Variants in CMC2 observed in about 807,000 individuals in gnomAD.
CMC2 encodes the protein COX assembly mitochondrial protein 2 homolog.
Under a neutral mutation model 7.5 loss-of-function variants are expected in CMC2, and 5 were observed. The ratio of observed to expected loss-of-function variants is 0.66; its 90% CI spans 0.35 to 1.40. The LOEUF (loss-of-function observed/expected upper bound fraction) is 1.40. Ranked by LOEUF, CMC2 falls within the 40% of genes most tolerant of loss-of-function variation. The pLI, the probability that CMC2 is intolerant of heterozygous loss-of-function variation, is 0.04. For missense variants in CMC2, 115 were observed against 92.3 expected, an observed-to-expected ratio of 1.25 and a Z score of -1.01; for synonymous variants, 37 against 31.4, an observed-to-expected ratio of 1.18 and a Z score of -0.60.
chr16:80,991,403 G>C (rs1412378519), intron 2 of CMC2, among the ~76,000 whole-genome samples: 1 of 152,154 alleles, frequency 6.6e-6, no homozygotes, highest in African/African-American at 2.4e-5. Flanking sequence ...GGTAGGCTAA[G>C]GCAGACAGAT....
At chr16:80,999,504 T>A (rs11866375) in intron 1 of CMC2, among the ~76,000 whole-genome samples, 1 of 151,978 alleles carries the variant, frequency 6.6e-6, no homozygotes. Context: ...GCAATCTACA[T>A]ATTCAACACT....
At chr16:80,979,077 G>C in intron 3 of CMC2, among the ~76,000 whole-genome samples, 1 of 148,962 alleles carries the variant, frequency 6.7e-6, no homozygotes, top group African/African-American at 2.5e-5. Flanking sequence ...TGAGACTCTG[G>C]CAAAAAAAAT....
chr16:80,999,500 T>C (rs1452541105), intron 1 of CMC2, among the ~76,000 whole-genome samples: 1 of 152,200 alleles, frequency 6.6e-6, no homozygotes, highest in South Asian at 2.1e-4. Flanking sequence ...CAAAGCAATC[T>C]ACATATTCAA....
chr16:80,989,721 A>G (rs1289869339), intron 2 of CMC2, among the ~76,000 whole-genome samples: 1 of 152,214 alleles, frequency 6.6e-6, no homozygotes, highest in East Asian at 1.9e-4. Context: ...CATCTTATAT[A>G]TATTGAAAAC....
Position 80,988,211 on chromosome 16 carries a change from C to CTA in CMC2, c.82-6335_82-6334insTA, listed in dbSNP as rs1567517819. Among the ~76,000 whole-genome samples the CTA allele has an allele frequency of 1.2e-4, 18 of 151,722 alleles. No homozygotes were observed. In the East Asian group the frequency reaches 2.5e-3, roughly 21 times the overall value. On this transcript the variant is annotated intron_variant, in intron 2 of 3. Transcript: ENST00000219400. Reference sequence around the variant, plus strand: ...TAAACTTTTAATTAACTTTTCCCCCCCAGATATAGACCTGCAGAATTATGG... The same window carrying CTA: ...TAAACTTTTAATTAACTTTTCCCCCCTACAGATATAGACCTGCAGAATTATGG...
intron 1 of CMC2, among the ~76,000 whole-genome samples, chr16:81,004,138 C>T (rs377685471): frequency 6.6e-6 from 1 of 152,188 alleles, no homozygotes; most frequent in Non-Finnish European, 1.5e-5. Context: ...AGGGGAATCG[C>T]TTCAGCCCTG....
At position 80,971,595 on chromosome 16, in the gene CMC2, C is replaced by A; in HGVS notation, c.*4498G>T. The A allele has an allele frequency of 1.8e-5, 2 of 109,554 alleles. No homozygotes were observed. The highest frequency in any genetic ancestry group is 3.5e-5 in the Non-Finnish European group (2 of 57,952). The allele number at this position is 109,554 out of a possible 1,614,324, so 6.8% of individuals were successfully genotyped here. On this transcript the variant is annotated 3_prime_UTR_variant, in exon 4 of 4. Coordinates refer to ENST00000219400, the MANE Select transcript of CMC2 (RefSeq NM_020188.5). Reference sequence around the variant, plus strand: ...ATATATATATATATATGTATGAAATCATGCATATATATATATGTATGAAAT... The same window carrying A: ...ATATATATATATATATGTATGAAATAATGCATATATATATATGTATGAAAT...
At position 80,978,872 on chromosome 16, in the gene CMC2, A is replaced by G. The variant is rs1393021808; in HGVS notation, c.154-2693T>C. ...CAAGGCGGGCGGATAACAAGCTCAG[A>G]AGATCAAGACCATCCTAGCTAACAC... On this transcript the variant is annotated intron_variant, in intron 3 of 3. Coordinates refer to ENST00000219400, the MANE Select transcript of CMC2 (RefSeq NM_020188.5). 7.9e-5 allele frequency among the ~76,000 whole-genome samples: 12 copies of G among 152,258 alleles called. No homozygotes were observed. The East Asian group carries it at 1.4e-3, about 17-fold the overall frequency.
At chr16:80,992,103 T>C in intron 2 of CMC2, 5 of 346,108 alleles carry the variant, frequency 1.4e-5, no homozygotes, top group South Asian at 1.1e-4. Flanking sequence ...TAAGGGACAC[T>C]AGATGTGAGG....
chr16:80,978,350 A>G (rs1465163057), intron 3 of CMC2: 19 of 1,267,488 alleles, frequency 1.5e-5, no homozygotes, highest in Non-Finnish European at 1.9e-5. Flanking sequence ...TAAGTTACAA[A>G]GCAAATTAAA....
At chr16:80,997,569 T>G (rs1279469173) in intron 1 of CMC2, 140 bp from the exon 2 acceptor site, 1 of 508,084 alleles carries the variant, frequency 2.0e-6, no homozygotes, top group African/African-American at 2.0e-5. Flanking sequence ...GGCAAATTAT[T>G]AAACTTGAGA....
Position 80,966,880 on chromosome 16 carries a change from T to C in CMC2, c.*9213A>G, listed in dbSNP as rs1173159286. 6.8e-6 allele frequency: 1 copy of C among 146,756 alleles called. No individual in the cohort carries two copies. Among genetic ancestry groups the C allele is most frequent in the Non-Finnish European group, 1.5e-5 (1 of 67,200 alleles). The allele number at this position is 146,756 out of a possible 1,614,324, so 9.1% of individuals were successfully genotyped here. A position where few individuals can be genotyped will look rare whatever the true frequency, so the allele number is the denominator to read the frequency against. On this transcript the variant is annotated 3_prime_UTR_variant, in exon 4 of 4. Transcript: ENST00000219400. ...TATAGATTCATGGTATACCTTTGTG[T>C]AAATGCATCATTGTTTATTTAACTA...
intron 2 of CMC2, among the ~76,000 whole-genome samples, chr16:80,993,889 CA>C: frequency 6.6e-6 from 1 of 151,922 alleles, no homozygotes; most frequent in South Asian, 2.1e-4. Flanking sequence ...TTAGAATAGC[CA>C]AAACAACTTT....
At chr16:81,001,875 A>G (rs1307363083) in intron 1 of CMC2, among the ~76,000 whole-genome samples, 2 of 152,112 alleles carry the variant, frequency 1.3e-5, no homozygotes, top group East Asian at 3.8e-4. Context: ...CCACAGCTGA[A>G]GACCACAAAT....
rs146078034 is a variant in CMC2, at chr16:80,994,057, ATTGATTT to A, written c.81+3250_81+3256del. 9.8e-4 allele frequency among the ~76,000 whole-genome samples: 148 copies of A among 151,420 alleles called. 1 individual carries two copies. In the East Asian group the frequency reaches 0.027, roughly 28 times the overall value. On this transcript the variant is annotated intron_variant, in intron 2 of 3. Transcript: ENST00000219400. The stretch of plus-strand genomic sequence containing the variant: ...AAATAGACCCACTCACATATGGTAA[ATTGATTT>A]TTGACAAAGGGACCATGGTAAATCA...
chr16:80,977,124 A>C (rs964826072), intron 3 of CMC2, among the ~76,000 whole-genome samples: 4 of 152,194 alleles, frequency 2.6e-5, no homozygotes, highest in African/African-American at 9.7e-5. Context: ...GGAAATACAT[A>C]GCTCAACTTC....
intron 3 of CMC2, among the ~76,000 whole-genome samples, chr16:80,976,410 T>C (rs1200082408): frequency 6.6e-6 from 1 of 152,218 alleles, no homozygotes; most frequent in Admixed American, 6.5e-5. Flanking sequence ...TTTCATTCAA[T>C]ACAGTACAGC....
intron 2 of CMC2, 72 bp from the exon 3 acceptor site, chr16:80,981,949 T>C (rs1967148892): frequency 2.3e-6 from 2 of 877,202 alleles, no homozygotes; most frequent in South Asian, 1.5e-5. Flanking sequence ...AAAATTTAAA[T>C]ACTGCCACAG....
intron 2 of CMC2, chr16:80,991,752 A>C: frequency 3.0e-6 from 1 of 329,202 alleles, no homozygotes; most frequent in Non-Finnish European, 6.0e-6. Flanking sequence ...AATGTACTTT[A>C]CCTCTGTGGT....
Sources: gnomAD v4.1 joint callset for allele counts (sites outside exome capture counted in the v4.1 genomes callset) on GRCh38, gnomAD v4.1.1 for gene constraint, MANE v1.5 for transcripts, NCBI Gene and HGNC (gene_info 2026-07-23, HGNC 2026-07-21) for gene names.